The following COG8 variants were observed in gnomAD, a reference collection of about 807,000 sequenced individuals.
COG8 encodes the protein component of oligomeric golgi complex 8, also known as conserved oligomeric Golgi complex subunit 8.
COG8 carries 45 observed loss-of-function variants against 46.5 expected under a neutral mutation model. That is an observed-to-expected ratio of 0.97 (90% confidence interval 0.76 to 1.24). The LOEUF is 1.24. Ranked by LOEUF, COG8 falls within the 50% of genes most tolerant of loss-of-function variation. The pLI, the probability that COG8 is intolerant of heterozygous loss-of-function variation, is 0.00. For missense variants in COG8, 793 were observed against 820.8 expected, an observed-to-expected ratio of 0.97 and a Z score of 0.41; for synonymous variants, 407 against 347.8, an observed-to-expected ratio of 1.17 and a Z score of -1.90.
chr16:69,339,403 G>C lies in COG8; in HGVS notation c.150C>G (p.Leu50=). The change falls in exon 1 of 6, where the codon CTC becomes CTG. Residue 50 remains leucine, a synonymous_variant. Coordinates refer to ENST00000306875, the MANE Select transcript of COG8 (RefSeq NM_032382.5). ...WRERPDVGRY[L]RELSGSGLER... is the part of the protein sequence containing the mutation. ...CCAGCCCCGAGCCGCTCAACTCCCGGAGGTAGCGGCCCACATCGGGCCGCT... is the reference window on the plus strand; with the variant it reads ...CCAGCCCCGAGCCGCTCAACTCCCGCAGGTAGCGGCCCACATCGGGCCGCT... The C allele has an allele frequency of 6.3e-7, 1 of 1,585,020 alleles. No individual in the cohort carries two copies. The highest frequency in any genetic ancestry group is 8.5e-7 in the Non-Finnish European group (1 of 1,170,172).
chr16:69,330,212 C>T (rs2011680026), intron 5 of COG8: 1 of 1,452,984 alleles, frequency 6.9e-7, no homozygotes, highest in African/African-American at 1.5e-5. Context: ...CAGCACCTGC[C>T]GCGGCACCCC....
At position 69,339,466 on chromosome 16, in the gene COG8, C is replaced by T. The variant is rs910930333; in HGVS notation, c.87G>A (p.Ser29=). ...CCTCGGGGAAGCGGTCCCGGAACAG[C>T]GACGCCAGGAGCCCTTCATCCTCCA... ...GEVEDEGLLA[S]LFRDRFPEAQ... Residue 29 remains serine (S), a synonymous_variant, in exon 1 of 6, where the codon TCG becomes TCA. Transcript: ENST00000306875. 2 of 1,600,370 alleles carry T rather than the reference C, an allele frequency of 1.2e-6. No individual in the cohort carries two copies. The highest frequency in any genetic ancestry group is 1.7e-6 in the Non-Finnish European group (2 of 1,178,366).
Position 69,330,377 on chromosome 16 carries a change from G to A in COG8, c.*26+436C>T, listed in dbSNP as rs779233100. The A allele has an allele frequency of 3.0e-5, 44 of 1,479,354 alleles. No homozygotes were observed. The South Asian group carries it at 5.3e-4, about 18-fold the overall frequency. 91.6% of individuals were successfully genotyped at this position (1,479,354 alleles called of 1,614,324 possible). On this transcript the variant is annotated intron_variant, in intron 5 of 5. Coordinates refer to ENST00000306875, the MANE Select transcript of COG8 (RefSeq NM_032382.5). The stretch of plus-strand genomic sequence containing the variant: ...CGGGTCCCCGACTTGGCACACGTGC[G>A]AGAACGGCGGTTCGGGAGGACCCAG...
rs182144757 is a variant in COG8, at chr16:69,335,360, C to G, written c.586-12G>C. On this transcript the variant is annotated splice_polypyrimidine_tract_variant and intron_variant, in intron 2 of 5. Coordinates refer to ENST00000306875, the MANE Select transcript of COG8 (RefSeq NM_032382.5). ...TCGTTCACGATGCCCTGACAATACA[C>G]AGAGAGAGTCACACTGCGCTGGGAA... is the stretch of plus-strand genomic sequence containing the variant. 50 of 1,576,004 alleles carry G rather than the reference C, an allele frequency of 3.2e-5. No individual in the cohort carries two copies. The highest frequency in any genetic ancestry group is 1.7e-4 in the Middle Eastern group (1 of 6,036).
rs113742271 is a variant in COG8, at chr16:69,333,464, G to A, written c.1414-582C>T. Among the ~76,000 whole-genome samples, 253 of 152,254 alleles carry A rather than the reference G, an allele frequency of 1.7e-3. 2 individuals carry two copies. Among genetic ancestry groups the A allele is most frequent in the Middle Eastern group, 0.014 (4 of 294 alleles). ...ATTACAGGCGTGAGCCACTGCGCCC[G>A]GCCCAATACATGGTTCTTAACTTCC... On this transcript the variant is annotated intron_variant, in intron 3 of 5. Transcript: ENST00000306875.
chr16:69,328,696 C>T lies in COG8; in HGVS notation c.*510G>A, dbSNP rs1427782220. On this transcript the variant is annotated 3_prime_UTR_variant, in exon 6 of 6. Coordinates refer to ENST00000306875, the MANE Select transcript of COG8 (RefSeq NM_032382.5). Reference sequence around the variant, plus strand: ...GGACTACATTATTACCAAACCTTGGCTTTGGGAGATTATACAGGTCCGAGG... The same window carrying T: ...GGACTACATTATTACCAAACCTTGGTTTTGGGAGATTATACAGGTCCGAGG... 3.7e-6 allele frequency: 1 copy of T among 269,160 alleles called. No homozygotes were observed. The highest frequency in any genetic ancestry group is 5.9e-5 in the Admixed American group (1 of 16,990). 16.7% of individuals were successfully genotyped at this position (269,160 alleles called of 1,614,324 possible). A position where few individuals can be genotyped will look rare whatever the true frequency, so the allele number is the denominator to read the frequency against.
intron 4 of COG8, among the ~76,000 whole-genome samples, chr16:69,331,647 C>T (rs1254737002): frequency 2.0e-5 from 3 of 151,718 alleles, no homozygotes; most frequent in African/African-American, 7.3e-5. Flanking sequence ...GGATTACAGG[C>T]GCCCGCCACC....
In COG8 at chr16:69,327,078, T is replaced by C. The variant is rs1315975964; in HGVS notation, c.*2128A>G. On this transcript the variant is annotated 3_prime_UTR_variant, in exon 6 of 6. Coordinates refer to ENST00000306875, the MANE Select transcript of COG8 (RefSeq NM_032382.5). ...GAATTCTAATTTTCCTAAAGACCCA[T>C]GTTTTTAGCATCTATGAGCTTTCTA... The C allele has an allele frequency of 6.6e-6, 1 of 152,090 alleles. No individual in the cohort carries two copies. The highest frequency in any genetic ancestry group is 1.5e-5 in the Non-Finnish European group (1 of 68,022). The allele number at this position is 152,090 out of a possible 1,614,324, so 9.4% of individuals were successfully genotyped here.
In COG8 at chr16:69,339,244, C is replaced by A; in HGVS notation, c.309G>T (p.Leu103=). The A allele has an allele frequency of 1.2e-6, 2 of 1,612,790 alleles. No homozygotes were observed. The highest frequency in any genetic ancestry group is 1.7e-6 in the Non-Finnish European group (2 of 1,179,838). Reference sequence around the variant, plus strand: ...CGAGCGACGCCTCCACGTCGCCAAACAGGCGGTGGATGCGCTCGGTGCACT... The same window carrying A: ...CGAGCGACGCCTCCACGTCGCCAAAAAGGCGGTGGATGCGCTCGGTGCACT... ...GAECTERIHR[L]FGDVEASLGR... The change falls in exon 1 of 6, where the codon CTG becomes CTT. Residue 103 remains leucine, a synonymous_variant. Coordinates refer to ENST00000306875, the MANE Select transcript of COG8 (RefSeq NM_032382.5).
intron 3 of COG8, among the ~76,000 whole-genome samples, 177 bp downstream of exon 3, chr16:69,334,344 T>C (rs924587425): frequency 6.6e-6 from 1 of 152,222 alleles, no homozygotes; most frequent in African/African-American, 2.4e-5. Flanking sequence ...TCATGGACTG[T>C]CCTAGGTCCC....
At chr16:69,329,390 A>G (rs1014680018) in intron 5 of COG8, among the ~76,000 whole-genome samples, 2 of 152,196 alleles carry the variant, frequency 1.3e-5, no homozygotes, top group African/African-American at 4.8e-5. Flanking sequence ...TCTGGTAATT[A>G]GGTTATCGAG....
At position 69,329,106 on chromosome 16, in the gene COG8, C is replaced by T. The variant is rs780990048; in HGVS notation, c.*100G>A. On this transcript the variant is annotated 3_prime_UTR_variant, in exon 6 of 6. Transcript: ENST00000306875. ...TAAACAGGCAGCCCTGCAGGTGGTCCATCTCGTGCTGGATGATGCGGGCTG... is the reference window on the plus strand; with the variant it reads ...TAAACAGGCAGCCCTGCAGGTGGTCTATCTCGTGCTGGATGATGCGGGCTG... The T allele has an allele frequency of 1.2e-6, 2 of 1,611,772 alleles. No homozygotes were observed. Among genetic ancestry groups the T allele is most frequent in the Non-Finnish European group, 8.5e-7 (1 of 1,179,556 alleles).
At chr16:69,337,318 A>G (rs939660133) in intron 1 of COG8, among the ~76,000 whole-genome samples, 9 of 151,990 alleles carry the variant, frequency 5.9e-5, no homozygotes, top group African/African-American at 2.2e-4. Context: ...GACCCTCCTC[A>G]TAAGGGTGTA....
At position 69,327,862 on chromosome 16, in the gene COG8, AT is replaced by A. The variant is rs1347405322; in HGVS notation, c.*1343del. 2.0e-5 allele frequency: 3 copies of A among 148,734 alleles called. No individual in the cohort carries two copies. The highest frequency in any genetic ancestry group is 3.9e-4 in the East Asian group (2 of 5,162). The allele number at this position is 148,734 out of a possible 1,614,324, so 9.2% of individuals were successfully genotyped here. A position where few individuals can be genotyped will look rare whatever the true frequency, so the allele number is the denominator to read the frequency against. On this transcript the variant is annotated 3_prime_UTR_variant, in exon 6 of 6. Transcript: ENST00000306875. ...CCCCCGTCTCTATCTTAAAAAAAAA[AT>A]AAAAGAATAAAACAAGTTCCTTCAC...
At chr16:69,332,583 T>C in intron 4 of COG8, 131 bp downstream of exon 4, 3 of 931,392 alleles carry the variant, frequency 3.2e-6, no homozygotes, top group Non-Finnish European at 3.5e-6. Flanking sequence ...AAGGATCTTT[T>C]TGGAGTGATG....
At chr16:69,335,815 CAAAAAAAAAAAAG>C (rs1249220060) in intron 2 of COG8, among the ~76,000 whole-genome samples, 5 of 88,756 alleles carry the variant, frequency 5.6e-5, no homozygotes, top group Admixed American at 2.6e-4. Flanking sequence ...GACTCTGTCT[CAAAAAAAAAAAAG>C]AAAAAAAAAA....
rs1200059167 is a variant in COG8 at position 69,332,739 on chromosome 16, T to C, written c.1557A>G (p.Pro519=). 10 of 1,614,192 alleles carry C rather than the reference T, an allele frequency of 6.2e-6. No individual in the cohort carries two copies. The East Asian group carries it at 1.8e-4, about 29-fold the overall frequency. ...CTAAAGTCTGTGCTATCTGAGCTGGTGGAAAAAGGACTTGGAGACAGCGAT... is the reference window on the plus strand; with the variant it reads ...CTAAAGTCTGTGCTATCTGAGCTGGCGGAAAAAGGACTTGGAGACAGCGAT... ...YLNRCLQVLF[P]PAQIAQTLGI... is the part of the protein sequence containing the mutation. The change falls in exon 4 of 6, where the codon CCA becomes CCG. Residue 519 remains proline (P), a synonymous_variant. Coordinates refer to ENST00000306875, the MANE Select transcript of COG8 (RefSeq NM_032382.5).
At position 69,327,713 on chromosome 16, in the gene COG8, TTAAC is replaced by T. The variant is rs1423795489; in HGVS notation, c.*1489_*1492del. 1 of 152,080 alleles carries T rather than the reference TTAAC, an allele frequency of 6.6e-6. No homozygotes were observed. Among genetic ancestry groups the T allele is most frequent in the African/African-American group, 2.4e-5 (1 of 41,408 alleles). The allele number at this position is 152,080 out of a possible 1,614,324, so 9.4% of individuals were successfully genotyped here. A position where few individuals can be genotyped will look rare whatever the true frequency, so the allele number is the denominator to read the frequency against. ...CAGCATAAAAATGAGGTGAAACAGT[TTAAC>T]TAAAACTGGAGTTTGGCTGGGTAGT... On this transcript the variant is annotated 3_prime_UTR_variant, in exon 6 of 6. Transcript: ENST00000306875.
intron 5 of COG8, chr16:69,329,917 G>T: frequency 1.4e-6 from 2 of 1,413,614 alleles, no homozygotes; most frequent in South Asian, 2.9e-5. Flanking sequence ...TATGAACCGC[G>T]ACCACTTCTG....
Sources: gnomAD v4.1 joint callset for allele counts (sites outside exome capture counted in the v4.1 genomes callset) on GRCh38, gnomAD v4.1.1 for gene constraint, MANE v1.5 for transcripts, NCBI Gene and HGNC (gene_info 2026-07-23, HGNC 2026-07-21) for gene names.